FOCAD: variants seen among roughly 807,000 people sequenced by gnomAD.
The protein encoded by FOCAD is focadhesin, also known as KIAA1797.
Under a neutral mutation model 225.6 loss-of-function variants are expected in FOCAD, and 198 were observed. That is an observed-to-expected ratio of 0.88 (90% CI 0.78 to 0.99). FOCAD has a LOEUF of 0.99. FOCAD is among the 50% of genes least tolerant of loss of function. FOCAD has a pLI of 0.00. For missense variants in FOCAD, 2,713 were observed against 2,123.6 expected, an observed-to-expected ratio of 1.28 and a Z score of -5.46; for synonymous variants, 897 against 755.0, an observed-to-expected ratio of 1.19 and a Z score of -3.08.
chr9:20,678,021 T>C (rs1343603747), intron 2 of FOCAD, among the ~76,000 whole-genome samples: 1 of 152,200 alleles, frequency 6.6e-6, no homozygotes, highest in African/African-American at 2.4e-5. Flanking sequence ...CTTTGCTTTA[T>C]TGAATCCTCT....
intron 21 of FOCAD, among the ~76,000 whole-genome samples, chr9:20,888,428 C>T (rs542946517): frequency 1.3e-5 from 2 of 152,024 alleles, no homozygotes; most frequent in Non-Finnish European, 2.9e-5. Flanking sequence ...TGAGCCACTG[C>T]GCCTGGCCTT....
chr9:20,773,698 G>A (rs1000926107), intron 8 of FOCAD, among the ~76,000 whole-genome samples: 1 of 152,124 alleles, frequency 6.6e-6, no homozygotes, highest in African/African-American at 2.4e-5. Flanking sequence ...ATGTTTTGGG[G>A]TATGTGTGTG....
intron 28 of FOCAD, among the ~76,000 whole-genome samples, chr9:20,937,383 A>G (rs1836096579): frequency 1.3e-5 from 2 of 152,168 alleles, no homozygotes; most frequent in African/African-American, 2.4e-5. Flanking sequence ...AAACAGAGAT[A>G]TAGACCAATG....
At chr9:20,911,870 A>G (rs1022886091) in intron 22 of FOCAD, among the ~76,000 whole-genome samples, 1 of 152,148 alleles carries the variant, frequency 6.6e-6, no homozygotes, top group Non-Finnish European at 1.5e-5. Context: ...AATCAATAAG[A>G]AAAAGACAGC....
chr9:20,866,488 C>T (rs375043438), intron 17 of FOCAD, among the ~76,000 whole-genome samples: 10 of 151,998 alleles, frequency 6.6e-5, no homozygotes, highest in African/African-American at 2.2e-4. Context: ...TCCTTGTTCT[C>T]CTTCTGCTAA....
At chr9:20,717,576 G>A (rs1305099221) in intron 2 of FOCAD, among the ~76,000 whole-genome samples, 1 of 152,156 alleles carries the variant, frequency 6.6e-6, no homozygotes, top group East Asian at 1.9e-4. Context: ...TTGCTTATTG[G>A]TAACCTGGGA....
At chr9:20,660,710 C>T (rs1055605167) in intron 2 of FOCAD, among the ~76,000 whole-genome samples, 7 of 152,136 alleles carry the variant, frequency 4.6e-5, no homozygotes, top group Admixed American at 1.3e-4. Context: ...GAAAAGTGTT[C>T]ACTGGATGTG....
At chr9:20,739,940 G>T (rs1827473216) in intron 4 of FOCAD, among the ~76,000 whole-genome samples, 2 of 152,124 alleles carry the variant, frequency 1.3e-5, no homozygotes, top group South Asian at 4.2e-4. Context: ...AACCAATGTG[G>T]TCACTGCTTG....
chr9:20,863,832 A>G (rs555976634), intron 16 of FOCAD, among the ~76,000 whole-genome samples: 2 of 152,012 alleles, frequency 1.3e-5, no homozygotes, highest in Non-Finnish European at 2.9e-5. Context: ...TATCTTTTGT[A>G]TTGCTTGTAC....
intron 35 of FOCAD, among the ~76,000 whole-genome samples, chr9:20,964,404 A>AAAT (rs1839059336): frequency 6.6e-6 from 1 of 152,084 alleles, no homozygotes; most frequent in South Asian, 2.1e-4. Context: ...AGAAAAGAAA[A>AAAT]AATAATAATA....
At chr9:20,754,876 T>G (rs548713563) in intron 5 of FOCAD, among the ~76,000 whole-genome samples, 12 of 152,310 alleles carry the variant, frequency 7.9e-5, no homozygotes, top group Admixed American at 6.5e-4. Flanking sequence ...TGAAGTTTAT[T>G]GAATTAAAAA....
chr9:20,866,917 T>TTTTTTTTTTTTTTTTAAAAA lies in FOCAD; in HGVS notation c.2107-12_2107-11insTTTTTTTTTTTTTTTAAAAA. On this transcript the variant is annotated splice_polypyrimidine_tract_variant and intron_variant, in intron 17 of 43. Coordinates refer to ENST00000338382, the MANE Select transcript of FOCAD (RefSeq NM_001375567.1). The stretch of plus-strand genomic sequence containing the variant: ...TTTTTTTTTTTTTTTTTTTTTTTTT[T>TTTTTTTTTTTTTTTTAAAAA]ACCCTATCTAGGACCCAATTGTAGC... The TTTTTTTTTTTTTTTTAAAAA allele has an allele frequency of 1.3e-6, 1 of 764,970 alleles. No homozygotes were observed. Among genetic ancestry groups the TTTTTTTTTTTTTTTTAAAAA allele is most frequent in the Non-Finnish European group, 2.0e-6 (1 of 498,466 alleles). The allele number at this position is 764,970 out of a possible 1,614,324, so 47.4% of individuals were successfully genotyped here.
At chr9:20,994,000 T>C (rs1425292277) in intron 43 of FOCAD, among the ~76,000 whole-genome samples, 1 of 152,216 alleles carries the variant, frequency 6.6e-6, no homozygotes, top group Non-Finnish European at 1.5e-5. Flanking sequence ...TTTTCCTGCT[T>C]CTGTGTGTGT....
At chr9:20,660,824 A>G (rs1037832392) in intron 2 of FOCAD, among the ~76,000 whole-genome samples, 2 of 151,026 alleles carry the variant, frequency 1.3e-5, no homozygotes, top group African/African-American at 5.0e-5. Flanking sequence ...TTAGAAAAAG[A>G]GCATACAGAA....
At chr9:20,888,091 T>A (rs1010138505) in intron 21 of FOCAD, among the ~76,000 whole-genome samples, 2 of 151,300 alleles carry the variant, frequency 1.3e-5, no homozygotes, top group Non-Finnish European at 2.9e-5. Flanking sequence ...TTTTTTTTTT[T>A]TACTTAGTGT....
intron 35 of FOCAD, among the ~76,000 whole-genome samples, chr9:20,964,282 G>A (rs1452327315): frequency 2.0e-5 from 3 of 152,054 alleles, no homozygotes; most frequent in Non-Finnish European, 4.4e-5. Flanking sequence ...CAGGAGAATC[G>A]CTTGAGCCTG....
chr9:20,710,960 A>G (rs947881421), intron 1 of FOCAD, among the ~76,000 whole-genome samples: 1 of 152,262 alleles, frequency 6.6e-6, no homozygotes, highest in Non-Finnish European at 1.5e-5. Context: ...TGATCAGAAC[A>G]CAGCTATAGT....
chr9:20,783,017 T>G (rs1819538071), intron 10 of FOCAD, among the ~76,000 whole-genome samples: 1 of 152,210 alleles, frequency 6.6e-6, no homozygotes, highest in African/African-American at 2.4e-5. Flanking sequence ...AAAATTCTAG[T>G]AGCTTTTTTA....
intron 15 of FOCAD, among the ~76,000 whole-genome samples, chr9:20,825,136 T>A (rs1824739793): frequency 1.4e-5 from 2 of 146,108 alleles, no homozygotes; most frequent in Non-Finnish European, 3.0e-5. Flanking sequence ...TTAAGGCTTT[T>A]CAAGCTTTGC....
Sources: gnomAD v4.1 joint callset for allele counts (sites outside exome capture counted in the v4.1 genomes callset) on GRCh38, gnomAD v4.1.1 for gene constraint, MANE v1.5 for transcripts, NCBI Gene and HGNC (gene_info 2026-07-23, HGNC 2026-07-21) for gene names.